The following DDAH1 variants were observed in gnomAD, a reference collection of about 807,000 sequenced individuals.
The protein encoded by DDAH1 is dimethylarginine dimethylaminohydrolase 1, also known as N(G),N(G)-dimethylarginine dimethylaminohydrolase 1.
A neutral mutation model predicts 28.8 loss-of-function variants in DDAH1; 19 were observed. The ratio of observed to expected loss-of-function variants is 0.66; its 90% CI spans 0.46 to 0.97. The LOEUF is 0.97. DDAH1 is among the 50% of genes least tolerant of loss of function. The pLI is 0.00. For missense variants in DDAH1, 326 were observed against 375.9 expected, an observed-to-expected ratio of 0.87 and a Z score of 1.10; for synonymous variants, 153 against 154.4, an observed-to-expected ratio of 0.99 and a Z score of 0.07.
At chr1:85,518,148 A>G (rs1444350161) in intron 1 of DDAH1, among the ~76,000 whole-genome samples, 1 of 152,252 alleles carries the variant, frequency 6.6e-6, no homozygotes, top group Non-Finnish European at 1.5e-5. Flanking sequence ...ACTCTGATTT[A>G]GCTATATATA....
At chr1:85,366,163 C>G (rs1436126240) in intron 1 of DDAH1, among the ~76,000 whole-genome samples, 1 of 150,770 alleles carries the variant, frequency 6.6e-6, no homozygotes, top group South Asian at 2.1e-4. Flanking sequence ...AAATGGTCAA[C>G]AGAACTGGAA....
intron 4 of DDAH1, 108 bp downstream of exon 4, chr1:85,350,307 G>C: frequency 1.4e-6 from 2 of 1,436,196 alleles, no homozygotes; most frequent in Non-Finnish European, 1.9e-6. Context: ...ATACCTGCCT[G>C]TTCTCTCCCT....
chr1:85,478,208 G>C (rs146298811), intron 2 of DDAH1, among the ~76,000 whole-genome samples: 126 of 152,214 alleles, frequency 8.3e-4, no homozygotes, highest in African/African-American at 3.0e-3. Flanking sequence ...TAGAAAACAT[G>C]GGTTTCCACT....
chr1:85,344,791 G>A (rs1402351226), intron 4 of DDAH1, among the ~76,000 whole-genome samples: 2 of 152,028 alleles, frequency 1.3e-5, no homozygotes, highest in Non-Finnish European at 2.9e-5. Context: ...GCAATTTCAG[G>A]GATGGATCTA....
At chr1:85,461,400 T>G (rs1655121903) in intron 1 of DDAH1, among the ~76,000 whole-genome samples, 1 of 152,190 alleles carries the variant, frequency 6.6e-6, no homozygotes, top group African/African-American at 2.4e-5. Context: ...AATACTTTCT[T>G]GAATTCCAAG....
chr1:85,396,795 G>A (rs1320411102), intron 1 of DDAH1, among the ~76,000 whole-genome samples: 1 of 152,078 alleles, frequency 6.6e-6, no homozygotes, highest in Non-Finnish European at 1.5e-5. Context: ...TGCACTTTGG[G>A]AGGCTGAAGT....
In DDAH1 at chr1:85,319,803, T is replaced by C. The variant is rs964678428; in HGVS notation, c.*1649A>G. On this transcript the variant is annotated 3_prime_UTR_variant, in exon 6 of 6. Transcript: ENST00000284031. Reference sequence around the variant, plus strand: ...AAAAAACTTTTGCAAATTTCTGACATAAAATAATCAAATAAAAGGGAAAGA... The same window carrying C: ...AAAAAACTTTTGCAAATTTCTGACACAAAATAATCAAATAAAAGGGAAAGA... 1.3e-5 allele frequency: 2 copies of C among 152,166 alleles called. No homozygotes were observed. The highest frequency in any genetic ancestry group is 2.9e-5 in the Non-Finnish European group (2 of 68,022). 9.4% of individuals were successfully genotyped at this position (152,166 alleles called of 1,614,324 possible). A position where few individuals can be genotyped will look rare whatever the true frequency, so the allele number is the denominator to read the frequency against.
chr1:85,357,438 C>CT (rs1211915535), intron 2 of DDAH1, among the ~76,000 whole-genome samples: 1 of 152,186 alleles, frequency 6.6e-6, no homozygotes, highest in Non-Finnish European at 1.5e-5. Context: ...CAAAGAACTG[C>CT]TTAAATGTCA....
At chr1:85,533,319 A>G (rs1377169130) in intron 1 of DDAH1, among the ~76,000 whole-genome samples, 2 of 152,170 alleles carry the variant, frequency 1.3e-5, no homozygotes, top group Admixed American at 1.3e-4. Context: ...TTGCGTTAAG[A>G]AAGTATTTTT....
rs189641502 is a variant in DDAH1, at chr1:85,374,196, A to C, written c.304-15349T>G. Among the ~76,000 whole-genome samples, 315 of 152,050 alleles carry C rather than the reference A, an allele frequency of 2.1e-3. 1 individual carries two copies. The highest frequency in any genetic ancestry group is 4.6e-3 in the Admixed American group (70 of 15,220). On this transcript the variant is annotated intron_variant, in intron 1 of 5. Transcript: ENST00000284031. Reference sequence around the variant, plus strand: ...TCCACCCCTGGTTCACCTGTGGTCTACTCCATCCAGGCTCTCACTGTTGGA... The same window carrying C: ...TCCACCCCTGGTTCACCTGTGGTCTCCTCCATCCAGGCTCTCACTGTTGGA...
intron 1 of DDAH1, among the ~76,000 whole-genome samples, chr1:85,529,161 T>C (rs1435002881): frequency 6.6e-6 from 1 of 151,752 alleles, no homozygotes; most frequent in Non-Finnish European, 1.5e-5. Context: ...TTTGTGGTGA[T>C]TACATCTGTG....
intron 1 of DDAH1, among the ~76,000 whole-genome samples, chr1:85,520,382 G>A (rs36126282): frequency 0.15 from 22,353 of 152,134 alleles, 2,231 homozygotes; most frequent in African/African-American, 0.27. Flanking sequence ...ACTTTTAAAG[G>A]TAGACATGGA....
rs1655298516 is a variant in DDAH1, at chr1:85,464,977, C to G, written c.69G>C (p.Glu23Asp). The G allele has an allele frequency of 6.9e-7, 1 of 1,459,470 alleles. No homozygotes were observed. The highest frequency in any genetic ancestry group is 9.0e-7 in the Non-Finnish European group (1 of 1,109,764). 90.4% of individuals were successfully genotyped at this position (1,459,470 alleles called of 1,614,324 possible). A position where few individuals can be genotyped will look rare whatever the true frequency, so the allele number is the denominator to read the frequency against. The change falls in exon 1 of 6, where the codon GAG (glutamate) becomes GAC (aspartate). Residue 23 changes from glutamate to aspartate, a missense_variant. Transcript: ENST00000284031. This position sits in a 1 kb window ranked among gnomAD's most constrained non-coding sequence, Gnocchi z 4.4. ...ATHAVVRALP[E>D]SLGQHALRSA... ...TTCTCAGCGCGTGCTGGCCGAGCGA[C>G]TCGGGTAGCGCCCGCACCACGGCGT...
At chr1:85,400,177 CTT>C (rs61677601) in intron 1 of DDAH1, among the ~76,000 whole-genome samples, 18 of 54,932 alleles carry the variant, frequency 3.3e-4, no homozygotes, top group African/African-American at 6.4e-4. Flanking sequence ...CTTTTCTTTT[CTT>C]TTTTTTTTTT....
Position 85,321,443 on chromosome 1 carries a change from C to A in DDAH1, c.*9G>T. 6.3e-7 allele frequency: 1 copy of A among 1,598,420 alleles called. No individual in the cohort carries two copies. The highest frequency in any genetic ancestry group is 8.6e-7 in the Non-Finnish European group (1 of 1,165,816). On this transcript the variant is annotated 3_prime_UTR_variant, in exon 6 of 6. Transcript: ENST00000284031. ...CGGTCTTGCCGGCTACCGGGGGGGA[C>A]TCTGCAGCTCAGGAGTCTACTTTCT...
rs183518080 is a variant in DDAH1 at position 85,534,650 on chromosome 1, A to G, written c.-122-38369T>C. Among the ~76,000 whole-genome samples, 30 of 152,066 alleles carry G rather than the reference A, an allele frequency of 2.0e-4. No homozygotes were observed. In the East Asian group the frequency reaches 5.8e-3, roughly 29 times the overall value. ...TCTTTCCAATTCTGAATCATGAGTA[A>G]AATCACAAACACGTTCAATAACAAT... is the stretch of plus-strand genomic sequence containing the variant. On this transcript the variant is annotated intron_variant, in intron 1 of 6. Coordinates refer to the DDAH1 transcript ENST00000426972.
chr1:85,552,675 G>A (rs1658831604), intron 1 of DDAH1, among the ~76,000 whole-genome samples: 1 of 152,148 alleles, frequency 6.6e-6, no homozygotes, highest in Admixed American at 6.5e-5. Context: ...TCTTAATTAG[G>A]TGGAAAGGAA....
Position 85,423,560 on chromosome 1 carries a change from G to A in DDAH1, c.303+41183C>T, listed in dbSNP as rs547863792. On this transcript the variant is annotated intron_variant, in intron 1 of 5. Coordinates refer to ENST00000284031, the MANE Select transcript of DDAH1 (RefSeq NM_012137.4). Reference sequence around the variant, plus strand: ...TTGCTTTTTTGGTGCTACTGTAAATGTATTGTTTTTAAATTTTAAATTCCA... The same window carrying A: ...TTGCTTTTTTGGTGCTACTGTAAATATATTGTTTTTAAATTTTAAATTCCA... Among the ~76,000 whole-genome samples the A allele has an allele frequency of 7.3e-5, 11 of 151,408 alleles. No individual in the cohort carries two copies. The South Asian group carries it at 2.3e-3, about 32-fold the overall frequency.
intron 5 of DDAH1, among the ~76,000 whole-genome samples, chr1:85,323,457 T>C (rs1427571955): frequency 6.6e-6 from 1 of 152,066 alleles, no homozygotes; most frequent in South Asian, 2.1e-4. Context: ...CAAGGGAGAT[T>C]TTCTTAGACC....
Sources: allele counts gnomAD v4.1 joint callset (sites outside exome capture counted in the v4.1 genomes callset), GRCh38; gene constraint gnomAD v4.1.1; non-coding constraint Gnocchi (gnomAD v3.1); transcripts MANE v1.5; gene names NCBI Gene and HGNC (gene_info 2026-07-23, HGNC 2026-07-21).